Variants in IRAK2 observed in about 807,000 individuals in gnomAD.
IRAK2 encodes the protein interleukin-1 receptor-associated kinase-like 2.
In IRAK2, 57 loss-of-function variants were observed where a neutral mutation model predicts 72.0. The observed-to-expected ratio is 0.79, with a 90% CI of 0.64 to 0.99. IRAK2 has a LOEUF of 0.99. Among genes scored for constraint, IRAK2 ranks in the 50% least tolerant of loss-of-function variants. The pLI is 0.00. For missense variants in IRAK2, 790 were observed against 794.4 expected (o/e 0.99, Z 0.07); for synonymous variants, 293 against 312.7 (o/e 0.94, Z 0.67).
At chr3:10,196,096 TG>T (rs1697260515) in intron 2 of IRAK2, among the ~76,000 whole-genome samples, 1 of 152,228 alleles carries the variant, frequency 6.6e-6, no homozygotes, top group Non-Finnish European at 1.5e-5. Context: ...ATTGTCATTC[TG>T]TACAAGGGAC....
intron 1 of IRAK2, among the ~76,000 whole-genome samples, chr3:10,165,721 A>ATTTTTTTTTTTT (rs34176794): frequency 6.5e-5 from 5 of 76,776 alleles, no homozygotes; most frequent in African/African-American, 2.5e-4. Flanking sequence ...GTCTTGAACT[A>ATTTTTTTTTTTT]TTTTTTTTTT....
chr3:10,206,140 C>T (rs185524785), intron 3 of IRAK2, among the ~76,000 whole-genome samples: 10 of 152,278 alleles, frequency 6.6e-5, no homozygotes, highest in Non-Finnish European at 1.2e-4. Flanking sequence ...GACCATGGTG[C>T]GCCATTTCCG....
intron 10 of IRAK2, among the ~76,000 whole-genome samples, chr3:10,228,313 C>T (rs1697810826): frequency 1.3e-5 from 2 of 152,108 alleles, no homozygotes; most frequent in Admixed American, 1.3e-4. Flanking sequence ...GAAGGCCTCG[C>T]TACTCCATGC....
chr3:10,190,765 A>T (rs1338010330), intron 2 of IRAK2, among the ~76,000 whole-genome samples: 1 of 152,200 alleles, frequency 6.6e-6, no homozygotes, highest in Admixed American at 6.5e-5. Context: ...AGGCTTGGTT[A>T]TGCTGCGGTA....
At chr3:10,232,019 C>A (rs867337988) in intron 10 of IRAK2, among the ~76,000 whole-genome samples, 3 of 151,926 alleles carry the variant, frequency 2.0e-5, no homozygotes, top group African/African-American at 7.3e-5. Context: ...CCCAGCTACT[C>A]GGGAGGCTGA....
chr3:10,183,369 C>T (rs1445891621), intron 2 of IRAK2, among the ~76,000 whole-genome samples: 1 of 152,184 alleles, frequency 6.6e-6, no homozygotes, highest in Non-Finnish European at 1.5e-5. Flanking sequence ...GATATTTCCT[C>T]AGCCTTAGTT....
chr3:10,241,870 G>A (rs1698066138), intron 12 of IRAK2, among the ~76,000 whole-genome samples: 1 of 148,588 alleles, frequency 6.7e-6, no homozygotes, highest in Non-Finnish European at 1.5e-5. Flanking sequence ...CTACTCCGGA[G>A]ACTGAGGTGG....
chr3:10,224,826 G>A (rs969079078), intron 9 of IRAK2, among the ~76,000 whole-genome samples: 1 of 124,246 alleles, frequency 8.0e-6, no homozygotes, highest in Non-Finnish European at 1.7e-5. Context: ...CCTGGCTCCT[G>A]CCACCCTTTT....
chr3:10,241,741 AAC>A (rs1302344547), intron 12 of IRAK2, among the ~76,000 whole-genome samples: 3 of 148,696 alleles, frequency 2.0e-5, no homozygotes, highest in Non-Finnish European at 4.4e-5. Flanking sequence ...TCTCTACTAA[AAC>A]ACAAAAAAAT....
chr3:10,210,855 G>T (rs547585374), intron 4 of IRAK2, among the ~76,000 whole-genome samples: 10 of 152,026 alleles, frequency 6.6e-5, no homozygotes, highest in African/African-American at 2.4e-4. Context: ...CTACAAAAAA[G>T]TTTTTTTTGT....
intron 2 of IRAK2, among the ~76,000 whole-genome samples, chr3:10,198,289 C>T (rs1456181832): frequency 6.6e-6 from 1 of 152,242 alleles, no homozygotes. Context: ...CTCATCACCC[C>T]CCGACATTCA....
intron 3 of IRAK2, 32 bp downstream of exon 3, chr3:10,200,547 A>C: frequency 6.5e-7 from 1 of 1,526,972 alleles, no homozygotes; most frequent in Non-Finnish European, 8.8e-7. Flanking sequence ...TACTTAAAGC[A>C]CTTTTATTTA....
intron 3 of IRAK2, among the ~76,000 whole-genome samples, chr3:10,202,993 TTTAC>T (rs1697384904): frequency 6.9e-6 from 1 of 145,856 alleles, no homozygotes; most frequent in Non-Finnish European, 1.5e-5. Flanking sequence ...CAGAGCCCTA[TTTAC>T]TTACTTTCTT....
intron 1 of IRAK2, among the ~76,000 whole-genome samples, chr3:10,174,784 C>T (rs1321305133): frequency 6.6e-6 from 1 of 152,082 alleles, no homozygotes; most frequent in Non-Finnish European, 1.5e-5. Context: ...CTCAGCCTCC[C>T]AAAGTGCTGG....
At chr3:10,169,392 C>T (rs186090626) in intron 1 of IRAK2, among the ~76,000 whole-genome samples, 11 of 152,296 alleles carry the variant, frequency 7.2e-5, no homozygotes, top group Non-Finnish European at 1.3e-4. Context: ...TCCCTTATCT[C>T]AACTGCATCA....
chr3:10,201,461 G>A (rs1697359403), intron 3 of IRAK2, among the ~76,000 whole-genome samples: 1 of 152,238 alleles, frequency 6.6e-6, no homozygotes, highest in Non-Finnish European at 1.5e-5. Context: ...CCCTCCATCA[G>A]TCACAGTCTG....
intron 1 of IRAK2, among the ~76,000 whole-genome samples, chr3:10,166,287 T>G (rs930543623): frequency 1.3e-5 from 2 of 152,226 alleles, no homozygotes; most frequent in African/African-American, 4.8e-5. Context: ...AGCACTTACT[T>G]TCACTCTATT....
At chr3:10,220,683 C>G (rs4684038) in intron 8 of IRAK2, among the ~76,000 whole-genome samples, 36,422 of 151,982 alleles carry the variant, frequency 0.24, 5,331 homozygotes, top group Admixed American at 0.36. Flanking sequence ...TCAGGTGATC[C>G]ACCCGCCTTG....
At position 10,165,066 on chromosome 3, in the gene IRAK2, A is replaced by AG; in HGVS notation, c.94+22dup. 9 of 1,598,810 alleles carry AG rather than the reference A, an allele frequency of 5.6e-6. No individual in the cohort carries two copies. Among genetic ancestry groups the AG allele is most frequent in the Non-Finnish European group, 7.7e-6 (9 of 1,171,122 alleles). ...GGAGTTCGGTGAGTGCGGCCCGGGG[A>AG]GGGGAGGGGACCAGGGCGACCGGAG... On this transcript the variant is annotated intron_variant, in intron 1 of 12. Transcript: ENST00000256458.
Sources: gnomAD v4.1 joint callset for allele counts (sites outside exome capture counted in the v4.1 genomes callset) on GRCh38, gnomAD v4.1.1 for gene constraint, MANE v1.5 for transcripts, NCBI Gene and HGNC (gene_info 2026-07-23, HGNC 2026-07-21) for gene names.